RNF130: variants seen among roughly 807,000 people sequenced by gnomAD.
RNF130 encodes E3 ubiquitin-protein ligase RNF130.
Under a neutral mutation model 44.6 loss-of-function variants are expected in RNF130, and 21 were observed. That is an observed-to-expected ratio of 0.47 (90% CI 0.33 to 0.68). The LOEUF (loss-of-function observed/expected upper bound fraction) is 0.68. Ranked by LOEUF, RNF130 falls within the 30% of genes least tolerant of loss-of-function variation. The pLI, the probability that RNF130 is intolerant of heterozygous loss-of-function variation, is 0.02. For synonymous variants in RNF130, 214 were observed against 210.4 expected (o/e 1.02, Z -0.15); for missense variants, 479 against 560.6 (o/e 0.85, Z 1.47).
At chr5:179,936,861 A>T (rs1243619018) in intron 7 of RNF130, among the ~76,000 whole-genome samples, 1 of 152,224 alleles carries the variant, frequency 6.6e-6, no homozygotes, top group Non-Finnish European at 1.5e-5. Flanking sequence ...TGGGGGAAAG[A>T]ACAGTCTCTT....
At chr5:180,018,056 G>A (rs1763778869) in intron 2 of RNF130, among the ~76,000 whole-genome samples, 1 of 152,158 alleles carries the variant, frequency 6.6e-6, no homozygotes, top group Non-Finnish European at 1.5e-5. Flanking sequence ...AGCACTTTGG[G>A]AGATCAAGGC....
intron 2 of RNF130, among the ~76,000 whole-genome samples, chr5:180,033,845 A>ATT (rs1336315132): frequency 1.3e-5 from 2 of 152,204 alleles, no homozygotes; most frequent in Admixed American, 1.3e-4. Flanking sequence ...TGAATAATGA[A>ATT]TTTTATTTCT....
At chr5:180,019,240 C>A (rs1193236761) in intron 2 of RNF130, among the ~76,000 whole-genome samples, 3 of 151,866 alleles carry the variant, frequency 2.0e-5, no homozygotes, top group African/African-American at 4.8e-5. Context: ...AAAAATTAGC[C>A]GGGCGTGGTG....
At chr5:179,929,617 G>A (rs1761776601) in intron 7 of RNF130, among the ~76,000 whole-genome samples, 1 of 152,068 alleles carries the variant, frequency 6.6e-6, no homozygotes, top group African/African-American at 2.4e-5. Flanking sequence ...GCATGGGGGT[G>A]CATGCCTGTA....
At chr5:179,961,575 C>CTA (rs1189192827) in intron 8 of RNF130, among the ~76,000 whole-genome samples, 1 of 152,154 alleles carries the variant, frequency 6.6e-6, no homozygotes. Flanking sequence ...AGTCAGGTGA[C>CTA]TATTAAACTA....
downstream of RNF130, among the ~76,000 whole-genome samples, chr5:179,950,082 G>A (rs191842726): frequency 5.8e-4 from 88 of 152,170 alleles, no homozygotes; most frequent in African/African-American, 2.1e-3. Context: ...CATTATTTAA[G>A]GTTGACAGTT....
At chr5:180,012,971 G>GA (rs1763626446) in intron 3 of RNF130, 90 bp downstream of exon 3, 2 of 1,437,328 alleles carry the variant, frequency 1.4e-6, no homozygotes, top group Non-Finnish European at 1.9e-6. Context: ...TTTTTTAAAA[G>GA]AAAAAACATG....
chr5:180,043,144 C>T (rs1764466127), intron 1 of RNF130, among the ~76,000 whole-genome samples: 1 of 152,090 alleles, frequency 6.6e-6, no homozygotes, highest in African/African-American at 2.4e-5. Context: ...TAGTAAGACC[C>T]TCATCTCTAC....
intron 3 of RNF130, among the ~76,000 whole-genome samples, chr5:180,010,649 C>T (rs1763572253): frequency 1.3e-5 from 2 of 152,102 alleles, no homozygotes; most frequent in South Asian, 2.1e-4. Flanking sequence ...TGTGAGCCAC[C>T]GTGCCTGGCC....
At chr5:179,970,755 A>T (rs1342245685) in intron 5 of RNF130, among the ~76,000 whole-genome samples, 1 of 152,230 alleles carries the variant, frequency 6.6e-6, no homozygotes, top group African/African-American at 2.4e-5. Flanking sequence ...CTTTTATTTT[A>T]CCAAATTCCA....
At chr5:179,980,103 G>A in intron 4 of RNF130, 26 bp downstream of exon 4, 1 of 1,604,060 alleles carries the variant, frequency 6.2e-7, no homozygotes, top group Non-Finnish European at 8.5e-7. Context: ...TACTTTTACG[G>A]TGCTGAAGTT....
At chr5:179,957,203 G>T (rs1000178306) in intron 8 of RNF130, among the ~76,000 whole-genome samples, 2 of 152,170 alleles carry the variant, frequency 1.3e-5, no homozygotes, top group African/African-American at 4.8e-5. Context: ...CCTGAGGTCA[G>T]GAGTTTGAGA....
chr5:180,028,419 C>A (rs1197029039), intron 2 of RNF130, among the ~76,000 whole-genome samples: 2 of 152,166 alleles, frequency 1.3e-5, no homozygotes, highest in Non-Finnish European at 2.9e-5. Flanking sequence ...CCTTCCGACT[C>A]CCTCTCCTCT....
At position 180,071,735 on chromosome 5, in the gene RNF130, CGGGCT is replaced by C; in HGVS notation, c.-38_-34del. ...CCGGCAGCCGCCGCTGCTCGCGGAC[CGGGCT>C]CCGGGGCCGGCGCCTAGAGGCGGGG... is the stretch of plus-strand genomic sequence containing the variant. On this transcript the variant is annotated 5_prime_UTR_variant, in exon 1 of 9. Coordinates refer to ENST00000521389, the MANE Select transcript of RNF130 (RefSeq NM_018434.6). The C allele has an allele frequency of 8.4e-7, 1 of 1,190,550 alleles. No individual in the cohort carries two copies. Among genetic ancestry groups the C allele is most frequent in the Middle Eastern group, 3.3e-4 (1 of 3,004 alleles). The allele number at this position is 1,190,550 out of a possible 1,614,324, so 73.7% of individuals were successfully genotyped here. A position where few individuals can be genotyped will look rare whatever the true frequency, so the allele number is the denominator to read the frequency against.
rs149570484 is a variant in RNF130 at position 180,029,042 on chromosome 5, G to A, written c.442+11411C>T. Among the ~76,000 whole-genome samples, 10 of 152,224 alleles carry A rather than the reference G, an allele frequency of 6.6e-5. No individual in the cohort carries two copies. In the East Asian group the frequency reaches 7.7e-4, roughly 12 times the overall value. ...ACGAGGATGCCAGTTTAAGGACTCC[G>A]TTACCCGAAATCACAAAGCTGATAA... On this transcript the variant is annotated intron_variant, in intron 2 of 8. Transcript: ENST00000521389.
At chr5:179,937,703 T>A (rs1189561484) in intron 7 of RNF130, among the ~76,000 whole-genome samples, 1 of 152,110 alleles carries the variant, frequency 6.6e-6, no homozygotes, top group Non-Finnish European at 1.5e-5. Flanking sequence ...GCTAGGTATA[T>A]AACCCAAAGA....
chr5:179,993,714 A>T (rs963238892), intron 3 of RNF130, among the ~76,000 whole-genome samples: 1 of 152,146 alleles, frequency 6.6e-6, no homozygotes, highest in African/African-American at 2.4e-5. Context: ...AGCTGTGCAG[A>T]AGCTCTTTAG....
At chr5:180,052,388 T>C (rs1764707304) in intron 1 of RNF130, among the ~76,000 whole-genome samples, 1 of 152,202 alleles carries the variant, frequency 6.6e-6, no homozygotes. Context: ...AAAATTCCTG[T>C]TGGAAACCAA....
chr5:179,982,260 C>T lies in RNF130; in HGVS notation c.694-2060G>A, dbSNP rs776067858. On this transcript the variant is annotated intron_variant, in intron 3 of 8. Coordinates refer to ENST00000521389, the MANE Select transcript of RNF130 (RefSeq NM_018434.6). ...CTTTCTAATGTTATCTAGTATCCCA[C>T]TGAAGAGATGGCCCACAATATCCTT... Among the ~76,000 whole-genome samples the T allele has an allele frequency of 5.9e-5, 9 of 151,480 alleles. No individual in the cohort carries two copies. The East Asian group carries it at 1.7e-3, about 29-fold the overall frequency.
Sources: gnomAD v4.1 joint callset for allele counts (sites outside exome capture counted in the v4.1 genomes callset) on GRCh38, gnomAD v4.1.1 for gene constraint, MANE v1.5 for transcripts, NCBI Gene and HGNC (gene_info 2026-07-23, HGNC 2026-07-21) for gene names.